The following SERPINE2 variants were observed in gnomAD, a reference collection of about 807,000 sequenced individuals.
SERPINE2 encodes the protein serpin family E member 2, also known as glia-derived nexin.
Under a neutral mutation model 36.3 loss-of-function variants are expected in SERPINE2, and 14 were observed. That is an observed-to-expected ratio of 0.39 (90% CI 0.25 to 0.60). The LOEUF (loss-of-function observed/expected upper bound fraction) is 0.60, where lower values mean the gene tolerates loss of function less well. Ranked by LOEUF, SERPINE2 falls within the 20% of genes least tolerant of loss-of-function variation. The probability of loss-of-function intolerance (pLI) is 0.57; values close to 1 mark genes in which losing one functional copy is unlikely to be tolerated. For synonymous variants in SERPINE2, 192 were observed against 191.8 expected (o/e 1.00, Z -0.01); for missense variants, 418 against 499.6 (o/e 0.84, Z 1.56).
chr2:224,009,939 G>A (rs1240522549), intron 1 of SERPINE2, among the ~76,000 whole-genome samples: 1 of 152,152 alleles, frequency 6.6e-6, no homozygotes, highest in Non-Finnish European at 1.5e-5. Context: ...AGTAATCGGG[G>A]TTAAGCCTCA....
chr2:224,005,190 A>G (rs1382918411), intron 1 of SERPINE2, among the ~76,000 whole-genome samples: 1 of 150,782 alleles, frequency 6.6e-6, no homozygotes, highest in Non-Finnish European at 1.5e-5. Context: ...TCCCAAATAA[A>G]CAGCCATCTT....
intron 1 of SERPINE2, chr2:224,038,634 AG>A (rs1692607798): frequency 1.2e-6 from 1 of 842,254 alleles, no homozygotes; most frequent in Non-Finnish European, 2.0e-6. Context: ...GCCCAGGCAG[AG>A]GTAACAAGTA....
intron 4 of SERPINE2, among the ~76,000 whole-genome samples, chr2:223,986,491 G>A (rs1690434212): frequency 6.6e-6 from 1 of 152,122 alleles, no homozygotes; most frequent in South Asian, 2.1e-4. Context: ...CAATGGGAAA[G>A]TGAGAAAAAA....
At chr2:224,038,493 C>CT in intron 1 of SERPINE2, 1 of 1,551,470 alleles carries the variant, frequency 6.4e-7, no homozygotes, top group Non-Finnish European at 8.7e-7. Flanking sequence ...ATTTTACCTG[C>CT]AGTCACTCAT....
intron 4 of SERPINE2, among the ~76,000 whole-genome samples, chr2:223,988,114 T>C (rs1216816356): frequency 6.6e-6 from 1 of 152,062 alleles, no homozygotes; most frequent in African/African-American, 2.4e-5. Flanking sequence ...TGGGTGAGTA[T>C]TGGTGCCATT....
chr2:224,022,158 CAA>C (rs71058977), intron 1 of SERPINE2, among the ~76,000 whole-genome samples: 4 of 72,598 alleles, frequency 5.5e-5, no homozygotes, highest in African/African-American at 1.7e-4. Flanking sequence ...GACTCCTTCT[CAA>C]AAAAAAAAAA....
At chr2:224,026,550 C>A (rs542296431) in intron 1 of SERPINE2, among the ~76,000 whole-genome samples, 2 of 152,112 alleles carry the variant, frequency 1.3e-5, no homozygotes, top group African/African-American at 4.8e-5. Flanking sequence ...AGTTTTTTTG[C>A]GAACTCTTAA....
chr2:223,995,379 T>G (rs1485420713), intron 3 of SERPINE2, among the ~76,000 whole-genome samples: 1 of 152,226 alleles, frequency 6.6e-6, no homozygotes, highest in Non-Finnish European at 1.5e-5. Flanking sequence ...CACCCCCAGG[T>G]AAAGGCAGTT....
chr2:224,020,491 G>A (rs2083120), intron 1 of SERPINE2, among the ~76,000 whole-genome samples: 143,814 of 152,230 alleles, frequency 0.94, 68,288 homozygotes, highest in Non-Finnish European at 0.99. Flanking sequence ...GAAAGACTAG[G>A]ACTCAACACT....
At chr2:223,983,366 G>A (rs866269281) in intron 5 of SERPINE2, among the ~76,000 whole-genome samples, 85 of 152,050 alleles carry the variant, frequency 5.6e-4, no homozygotes, top group African/African-American at 1.8e-3. Flanking sequence ...CAATTCTCCC[G>A]CCTCAGCCTC....
rs193195394 is a variant in SERPINE2 at position 224,029,892 on chromosome 2, G to T, written c.-23+9207C>A. ...TTTTTGCATTTTTAGTAGAGACAGG[G>T]TTTCACTATGTTCAGGCTGTTTTTG... On this transcript the variant is annotated intron_variant, in intron 1 of 8. Transcript: ENST00000409304. Among the ~76,000 whole-genome samples the T allele has an allele frequency of 5.4e-3, 815 of 152,242 alleles. 4 individuals carry two copies. Among genetic ancestry groups the T allele is most frequent in the Middle Eastern group, 0.031 (9 of 294 alleles).
At chr2:224,019,436 C>T (rs1020386951) in intron 1 of SERPINE2, among the ~76,000 whole-genome samples, 1 of 152,134 alleles carries the variant, frequency 6.6e-6, no homozygotes, top group African/African-American at 2.4e-5. Flanking sequence ...GTTTACAGAA[C>T]GTGGTTGGTT....
chr2:224,001,574 G>A, intron 2 of SERPINE2, 68 bp downstream of exon 2: 3 of 1,541,278 alleles, frequency 1.9e-6, no homozygotes, highest in Non-Finnish European at 1.7e-6. Context: ...CAAAAACCAA[G>A]CCATAAACCC....
At chr2:223,976,399 G>A (rs745619292) in intron 8 of SERPINE2, among the ~76,000 whole-genome samples, 31 of 152,216 alleles carry the variant, frequency 2.0e-4, no homozygotes, top group Middle Eastern at 3.4e-3. Context: ...TGATCCACCC[G>A]CCTTGGCCTC....
intron 1 of SERPINE2, chr2:224,038,405 G>T: frequency 1.7e-6 from 2 of 1,157,750 alleles, no homozygotes; most frequent in South Asian, 2.6e-5. Flanking sequence ...TTATGTAATA[G>T]AAGCCTTCCT....
intron 3 of SERPINE2, 60 bp from the exon 4 acceptor site, chr2:223,992,060 G>A (rs1357947770): frequency 1.4e-6 from 2 of 1,414,010 alleles, no homozygotes; most frequent in Non-Finnish European, 2.0e-6. Flanking sequence ...CCGGCTTGAG[G>A]GCAAATGGCA....
intron 1 of SERPINE2, chr2:224,030,867 T>C (rs1432910571): frequency 1.5e-6 from 1 of 675,372 alleles, no homozygotes; most frequent in Non-Finnish European, 1.8e-6. Flanking sequence ...TCTCTCTACC[T>C]TCTCAATCCA....
At chr2:224,031,759 AC>A (rs5839038) in intron 1 of SERPINE2, among the ~76,000 whole-genome samples, 1 of 93,686 alleles carries the variant, frequency 1.1e-5, no homozygotes, top group South Asian at 3.5e-4. Flanking sequence ...TCCACCCCCC[AC>A]CCCCCCCGCC....
intron 2 of SERPINE2, among the ~76,000 whole-genome samples, chr2:223,999,365 T>C (rs1444600316): frequency 6.6e-6 from 1 of 152,184 alleles, no homozygotes; most frequent in Non-Finnish European, 1.5e-5. Context: ...CTTCATCGCT[T>C]GGGGTCTCTT....
Sources: gnomAD v4.1 joint callset for allele counts (sites outside exome capture counted in the v4.1 genomes callset) on GRCh38, gnomAD v4.1.1 for gene constraint, MANE v1.5 for transcripts, NCBI Gene and HGNC (gene_info 2026-07-23, HGNC 2026-07-21) for gene names.